Variants in MED12L observed in about 807,000 individuals in gnomAD.
The protein encoded by MED12L is mediator complex subunit 12L.
Under a neutral mutation model 281.3 loss-of-function variants are expected in MED12L, and 60 were observed. The ratio of observed to expected loss-of-function variants is 0.21; its 90% confidence interval spans 0.17 to 0.26. The LOEUF is 0.26. MED12L is among the 10% of genes least tolerant of loss of function. The pLI is 1.00. For synonymous variants in MED12L, 974 were observed against 987.2 expected, an observed-to-expected ratio of 0.99 and a Z score of 0.25; for missense variants, 2,146 against 2,680.9, an observed-to-expected ratio of 0.80 and a Z score of 4.41.
intron 43 of MED12L, among the ~76,000 whole-genome samples, chr3:151,422,686 T>G (rs1162470736): frequency 1.3e-5 from 2 of 152,142 alleles, no homozygotes; most frequent in African/African-American, 4.8e-5. Context: ...GTGTTACGAC[T>G]CCAGCATGTC....
Position 151,416,429 on chromosome 3 carries a change from C to G in MED12L, c.6408+7C>G, listed in dbSNP as rs1176564711. 6.2e-7 allele frequency: 1 copy of G among 1,613,038 alleles called. No homozygotes were observed. The highest frequency in any genetic ancestry group is 1.1e-5 in the South Asian group (1 of 90,966). Reference sequence around the variant, plus strand: ...GCAGCCCCAGCAGCCCTTGGTAAGGCCTGTTGTTTTGGAATCAGACATGTG... The same window carrying G: ...GCAGCCCCAGCAGCCCTTGGTAAGGGCTGTTGTTTTGGAATCAGACATGTG... On this transcript the variant is annotated splice_region_variant and intron_variant, in intron 43 of 44. Coordinates refer to ENST00000687756, the MANE Select transcript of MED12L (RefSeq NM_001393769.1).
chr3:151,359,630 C>T (rs890451531), intron 20 of MED12L, among the ~76,000 whole-genome samples: 1 of 152,128 alleles, frequency 6.6e-6, no homozygotes, highest in Admixed American at 6.6e-5. Context: ...AGCAAGTCAC[C>T]CCACCTTTCT....
chr3:151,136,641 A>C (rs1716178514), intron 5 of MED12L, among the ~76,000 whole-genome samples: 1 of 152,176 alleles, frequency 6.6e-6, no homozygotes, highest in South Asian at 2.1e-4. Flanking sequence ...TTTTACCTAA[A>C]AGTTTTAACA....
intron 3 of MED12L, among the ~76,000 whole-genome samples, chr3:151,121,961 G>A (rs763451346): frequency 3.3e-5 from 5 of 152,006 alleles, no homozygotes; most frequent in Non-Finnish European, 7.4e-5. Context: ...TGATCCGCCT[G>A]CCTTGGCTTC....
At chr3:151,340,858 G>C (rs945292985) in intron 16 of MED12L, 4 of 152,394 alleles carry the variant, frequency 2.6e-5, no homozygotes, top group African/African-American at 9.7e-5. Flanking sequence ...ATTTCTATCT[G>C]TCCTCTTTTA....
intron 43 of MED12L, among the ~76,000 whole-genome samples, chr3:151,429,390 G>A (rs1186870977): frequency 1.3e-5 from 2 of 152,184 alleles, no homozygotes; most frequent in African/African-American, 2.4e-5. Context: ...AGCCAGCACC[G>A]TGCTGGTGTA....
chr3:151,133,960 T>C (rs1299659687), intron 5 of MED12L, among the ~76,000 whole-genome samples: 1 of 152,256 alleles, frequency 6.6e-6, no homozygotes. Context: ...GTCTTATTGT[T>C]GCTGAATCAA....
intron 16 of MED12L, chr3:151,294,818 A>G: frequency 6.2e-7 from 1 of 1,614,126 alleles, no homozygotes; most frequent in Non-Finnish European, 8.5e-7. Flanking sequence ...TGGCTTGACC[A>G]CCTTCAGATA....
chr3:151,230,396 C>T (rs1731416418), intron 16 of MED12L, among the ~76,000 whole-genome samples: 1 of 152,140 alleles, frequency 6.6e-6, no homozygotes, highest in Non-Finnish European at 1.5e-5. Context: ...TATGTCTTGC[C>T]CTGCCCCAGG....
intron 16 of MED12L, among the ~76,000 whole-genome samples, chr3:151,249,850 A>G (rs1008602769): frequency 6.6e-6 from 1 of 152,188 alleles, no homozygotes; most frequent in African/African-American, 2.4e-5. Context: ...TACATCTTTC[A>G]GAAGGAAAGG....
At chr3:151,297,318 T>C (rs1472011343) in intron 16 of MED12L, among the ~76,000 whole-genome samples, 2 of 152,224 alleles carry the variant, frequency 1.3e-5, no homozygotes, top group South Asian at 2.1e-4. Context: ...TAGGAACTTC[T>C]TAAGATGTGT....
At chr3:151,152,351 C>T (rs1222980902) in intron 5 of MED12L, among the ~76,000 whole-genome samples, 2 of 152,044 alleles carry the variant, frequency 1.3e-5, no homozygotes, top group African/African-American at 4.8e-5. Context: ...ATCGTCCTGC[C>T]TCAGCCTCCC....
chr3:151,161,245 A>G (rs1164601763), intron 8 of MED12L, among the ~76,000 whole-genome samples: 2 of 151,500 alleles, frequency 1.3e-5, no homozygotes, highest in Non-Finnish European at 2.9e-5. Context: ...GCTTTGGACT[A>G]TTTTGGACTG....
intron 21 of MED12L, among the ~76,000 whole-genome samples, chr3:151,362,138 C>T (rs576427056): frequency 5.9e-5 from 9 of 152,092 alleles, no homozygotes; most frequent in Admixed American, 1.3e-4. Context: ...CTCTCTTTAC[C>T]GCTGTGGATA....
At chr3:151,290,564 C>A (rs1744109334) in intron 16 of MED12L, among the ~76,000 whole-genome samples, 1 of 150,972 alleles carries the variant, frequency 6.6e-6, no homozygotes, top group Non-Finnish European at 1.5e-5. Flanking sequence ...TAAAATTTTT[C>A]TATAAGTTAA....
At chr3:151,413,698 G>A (rs901234758) in intron 42 of MED12L, among the ~76,000 whole-genome samples, 1 of 152,148 alleles carries the variant, frequency 6.6e-6, no homozygotes, top group African/African-American at 2.4e-5. Context: ...AGAGCATTCT[G>A]CAATCTAAAA....
At chr3:151,427,752 G>A (rs1719034218) in intron 43 of MED12L, among the ~76,000 whole-genome samples, 1 of 152,186 alleles carries the variant, frequency 6.6e-6, no homozygotes, top group Admixed American at 6.5e-5. Context: ...GTTGGTCAAA[G>A]GGTCCAAAGT....
intron 16 of MED12L, among the ~76,000 whole-genome samples, chr3:151,299,187 G>A (rs949334951): frequency 6.6e-6 from 1 of 152,110 alleles, no homozygotes; most frequent in Non-Finnish European, 1.5e-5. Flanking sequence ...ATTGTTCACT[G>A]GGACGTGACA....
chr3:151,178,129 G>C (rs1722275618), intron 11 of MED12L, among the ~76,000 whole-genome samples: 1 of 118,314 alleles, frequency 8.5e-6, no homozygotes, highest in African/African-American at 3.4e-5. Context: ...CTACACTCCA[G>C]CCTGGGCAAC....
Sources: gnomAD v4.1 joint callset for allele counts (sites outside exome capture counted in the v4.1 genomes callset) on GRCh38, gnomAD v4.1.1 for gene constraint, MANE v1.5 for transcripts, NCBI Gene and HGNC (gene_info 2026-07-23, HGNC 2026-07-21) for gene names.